Variants in UMOD observed in about 807,000 individuals in gnomAD.
UMOD encodes the protein uromodulin.
A neutral mutation model predicts 66.0 loss-of-function variants in UMOD; 64 were observed. The observed-to-expected ratio is 0.97, with a 90% CI of 0.79 to 1.19. The LOEUF is 1.19. UMOD is among the 50% of genes most tolerant of loss of function. The pLI is 0.00. For synonymous variants in UMOD, 398 were observed against 352.7 expected, an observed-to-expected ratio of 1.13 and a Z score of -1.44; for missense variants, 764 against 850.9, an observed-to-expected ratio of 0.90 and a Z score of 1.27.
chr16:20,348,465 G>A lies in UMOD; in HGVS notation c.836C>T (p.Pro279Leu). The change falls in exon 3 of 11, where the codon CCC (proline) becomes CTC (leucine). Residue 279 changes from proline to leucine, a missense_variant. Pro to Leu is a moderately conservative substitution (Grantham distance 98). Coordinates refer to ENST00000396138, the MANE Select transcript of UMOD (RefSeq NM_003361.4). ...GGYYVYNLTA[P>L]PECHLAYCTD... ...GCAGTACGCCAGGTGACACTCGGGG[G>A]GCGCTGTCAGGTTGTAGACGTAGTA... 1.2e-6 allele frequency: 2 copies of A among 1,613,286 alleles called. No homozygotes were observed. The highest frequency in any genetic ancestry group is 1.7e-6 in the Non-Finnish European group (2 of 1,179,950).
intron 9 of UMOD, among the ~76,000 whole-genome samples, chr16:20,336,243 C>T (rs1455401300): frequency 1.3e-5 from 2 of 152,228 alleles, no homozygotes; most frequent in Non-Finnish European, 2.9e-5. Flanking sequence ...ATGGCACCTT[C>T]TTCACTGATT....
intron 6 of UMOD, 52 bp downstream of exon 6, chr16:20,343,972 G>A: frequency 6.2e-7 from 1 of 1,608,998 alleles, no homozygotes; most frequent in African/African-American, 1.3e-5. Flanking sequence ...CATGGTTAAG[G>A]GGTTTGGGGT....
At position 20,348,562 on chromosome 16, in the gene UMOD, C is replaced by A; in HGVS notation, c.739G>T (p.Ala247Ser). 2 of 1,597,998 alleles carry A rather than the reference C, an allele frequency of 1.3e-6. No homozygotes were observed. Among genetic ancestry groups the A allele is most frequent in the Non-Finnish European group, 1.7e-6 (2 of 1,176,514 alleles). The change falls in exon 3 of 11, where the codon GCC (alanine) becomes TCC (serine). Residue 247 changes from alanine (A) to serine (S), a missense_variant. By Grantham distance (99) the Ala-to-Ser change is moderately conservative (BLOSUM62 1). Transcript: ENST00000396138. ...SSDEGIVSRK[A>S]CAHWSGHCCL... The stretch of plus-strand genomic sequence containing the variant: ...CAGTGGCCGCTCCAGTGCGCGCAGG[C>A]CTTGCGGCTCACGATGCCCTCGTCG...
chr16:20,350,775 A>T lies in UMOD; in HGVS notation c.-38T>A. 6.2e-7 allele frequency: 1 copy of T among 1,613,824 alleles called. No individual in the cohort carries two copies. The highest frequency in any genetic ancestry group is 8.5e-7 in the Non-Finnish European group (1 of 1,179,874). ...TCCCGCTACTTCAGGTCTAGATAGCACCTGCCCAAAGGAAAGACGGGTTGG... is the reference window on the plus strand; with the variant it reads ...TCCCGCTACTTCAGGTCTAGATAGCTCCTGCCCAAAGGAAAGACGGGTTGG... On this transcript the variant is annotated 5_prime_UTR_variant, in exon 2 of 11. Transcript: ENST00000396138.
chr16:20,344,489 A>G lies in UMOD; in HGVS notation c.1183-317T>C, dbSNP rs34262842. Among the ~76,000 whole-genome samples, 18,623 of 151,682 alleles carry G rather than the reference A, an allele frequency of 0.12. 1,493 individuals carry two copies. Among genetic ancestry groups the G allele is most frequent in the Non-Finnish European group, 0.16 (11,156 of 67,864 alleles). The stretch of plus-strand genomic sequence containing the variant: ...GTGGTGGTGGGTGCCTGTAATCCCA[A>G]CTACTCGGGAGGCTGAGACAGGAGA... On this transcript the variant is annotated intron_variant, in intron 5 of 10. Transcript: ENST00000396138.
chr16:20,334,343 C>G (rs563437297), intron 10 of UMOD, among the ~76,000 whole-genome samples: 7 of 152,138 alleles, frequency 4.6e-5, no homozygotes, highest in African/African-American at 1.7e-4. Context: ...TAGAGAGGAG[C>G]CTTGGAGCTT....
At chr16:20,337,673 C>A (rs72776658) in intron 7 of UMOD, among the ~76,000 whole-genome samples, 2 of 152,082 alleles carry the variant, frequency 1.3e-5, no homozygotes, top group Non-Finnish European at 1.5e-5. Flanking sequence ...TCTCAAAGTG[C>A]GTAGAACTGT....
At chr16:20,352,900 A>G (rs1965960920), upstream of UMOD, 3 of 449,362 alleles carry the variant, frequency 6.7e-6, no homozygotes, top group Non-Finnish European at 1.1e-5. Context: ...TAATAGCTAG[A>G]GACCCCAAAT....
chr16:20,340,476 A>G (rs867603455), intron 7 of UMOD, among the ~76,000 whole-genome samples: 1,514 of 139,578 alleles, frequency 0.011, 29 homozygotes, highest in African/African-American at 0.038. Context: ...GTGTGTGTAT[A>G]TATATATATA....
chr16:20,334,977 G>A (rs769579350), intron 10 of UMOD, among the ~76,000 whole-genome samples: 13 of 151,586 alleles, frequency 8.6e-5, no homozygotes, highest in Non-Finnish European at 1.6e-4. Flanking sequence ...GGAGGCGCGC[G>A]CCACCACACC....
upstream of UMOD, chr16:20,352,846 T>C (rs1965959653): frequency 1.3e-6 from 1 of 753,754 alleles, no homozygotes; most frequent in Non-Finnish European, 1.8e-6. Flanking sequence ...CCTGGCATAA[T>C]GTTTGCCTTG....
chr16:20,333,485 G>T lies in UMOD; in HGVS notation c.1862-110C>A, dbSNP rs935787137. ...CAATCAGAAGAGGACACCCTCTCTG[G>T]GCTGCTCTCCTAGAAAAAGGAAGCT... On this transcript the variant is annotated intron_variant, in intron 10 of 10. Coordinates refer to ENST00000396138, the MANE Select transcript of UMOD (RefSeq NM_003361.4). The T allele has an allele frequency of 1.6e-5, 16 of 1,015,102 alleles. No individual in the cohort carries two copies. In the African/African-American group the frequency reaches 1.9e-4, roughly 12 times the overall value. 62.9% of individuals were successfully genotyped at this position (1,015,102 alleles called of 1,614,324 possible).
In UMOD at chr16:20,349,600, GCAATC is replaced by G. The variant is rs764377267; in HGVS notation, c.89-393_89-389del. The G allele has an allele frequency of 3.2e-3, 4,321 of 1,371,058 alleles. 15 individuals carry two copies. The highest frequency in any genetic ancestry group is 3.5e-3 in the Non-Finnish European group (3,687 of 1,043,058). 84.9% of individuals were successfully genotyped at this position (1,371,058 alleles called of 1,614,324 possible). On this transcript the variant is annotated intron_variant, in intron 2 of 10. Coordinates refer to ENST00000396138, the MANE Select transcript of UMOD (RefSeq NM_003361.4). The stretch of plus-strand genomic sequence containing the variant: ...CAAAAAGTTGGGACCACAGGCACGT[GCAATC>G]GCGCCCAGCTCCACCATTCATTTTT...
chr16:20,351,202 A>C (rs1965872652), intron 1 of UMOD: 1 of 250,496 alleles, frequency 4.0e-6, no homozygotes, highest in African/African-American at 2.2e-5. Context: ...TGGATCACTT[A>C]TTCATTCAAC....
chr16:20,349,888 C>T (rs1257734452), intron 2 of UMOD: 1 of 1,503,184 alleles, frequency 6.7e-7, no homozygotes, highest in African/African-American at 1.6e-5. Flanking sequence ...TAAAAATAAC[C>T]ATTAAAAAAA....
intron 2 of UMOD, among the ~76,000 whole-genome samples, 177 bp downstream of exon 2, chr16:20,350,473 T>C (rs180728317): frequency 2.5e-4 from 38 of 152,344 alleles, no homozygotes; most frequent in Non-Finnish European, 5.1e-4. Context: ...GCAAAATTTC[T>C]AAGTCAGTCC....
intron 1 of UMOD, chr16:20,351,583 G>T (rs1325832863): frequency 6.6e-6 from 1 of 152,534 alleles, no homozygotes; most frequent in African/African-American, 2.4e-5. Context: ...CTCCGTTTTT[G>T]TCTGTGAAAT....
In UMOD at chr16:20,333,255, C is replaced by G. The variant is rs886051783; in HGVS notation, c.*59G>C. 2.1e-5 allele frequency: 33 copies of G among 1,542,586 alleles called. No homozygotes were observed. Among genetic ancestry groups the G allele is most frequent in the Non-Finnish European group, 2.6e-5 (29 of 1,122,718 alleles). ...GGCTGGAGCACTGGCCCGCATCATG[C>G]CCCCTGCCCAGCAGGAGGTGAGATG... On this transcript the variant is annotated 3_prime_UTR_variant, in exon 11 of 11. Transcript: ENST00000396138.
chr16:20,336,680 G>A lies in UMOD; in HGVS notation c.1788C>T (p.Ser596=). The A allele has an allele frequency of 6.2e-7, 1 of 1,614,146 alleles. No homozygotes were observed. ...RFRSGSVIDQ[S]RVLNLGPITR... is the part of the protein sequence containing the mutation. ...TGATGGGACCCAAGTTCAGGACACG[G>A]GATTGATCTATGACACTCCCACTTC... The change falls in exon 9 of 11, where the codon TCC becomes TCT. Residue 596 remains serine, a synonymous_variant. Coordinates refer to ENST00000396138, the MANE Select transcript of UMOD (RefSeq NM_003361.4).
Sources: gnomAD v4.1 joint callset for allele counts (sites outside exome capture counted in the v4.1 genomes callset) on GRCh38, gnomAD v4.1.1 for gene constraint, MANE v1.5 for transcripts, NCBI Gene and HGNC (gene_info 2026-07-23, HGNC 2026-07-21) for gene names.